ZNG1F: variants seen among roughly 807,000 people sequenced by gnomAD.
ZNG1F encodes the protein zinc-regulated GTPase metalloprotein activator 1F.
the ZNG1F span, chr9:41,132,085 C>G: frequency 6.5e-7 from 1 of 1,548,876 alleles, no homozygotes; most frequent in Non-Finnish European, 8.7e-7. Context: ...AACATTGTAA[C>G]GTGACAAAGA....
At chr9:41,155,175 C>T in the ZNG1F span, among the ~76,000 whole-genome samples, 1 of 151,502 alleles carries the variant, frequency 6.6e-6, no homozygotes, top group South Asian at 2.1e-4. Flanking sequence ...GCAAACAACC[C>T]CATCAAAAAG....
At chr9:41,131,985 TC>T in the ZNG1F span, 1 of 575,730 alleles carries the variant, frequency 1.7e-6, no homozygotes, top group Non-Finnish European at 3.1e-6. Flanking sequence ...TCTTTAACTT[TC>T]CAGGTCAGTA....
At chr9:41,197,817 AT>A in the ZNG1F span, among the ~76,000 whole-genome samples, 1 of 117,524 alleles carries the variant, frequency 8.5e-6, no homozygotes, top group Admixed American at 9.7e-5. Context: ...ATATATTTTA[AT>A]ATTAATTTCT....
the ZNG1F span, among the ~76,000 whole-genome samples, chr9:41,193,536 T>C: frequency 6.7e-6 from 1 of 149,040 alleles, no homozygotes; most frequent in Non-Finnish European, 1.5e-5. Flanking sequence ...GATTCCAGTA[T>C]AATAAGGAAG....
the ZNG1F span, among the ~76,000 whole-genome samples, chr9:41,148,661 C>T: frequency 7.1e-6 from 1 of 141,394 alleles, no homozygotes; most frequent in Non-Finnish European, 1.5e-5. Flanking sequence ...CTGTCCCACA[C>T]TTCTGGCTGC....
At chr9:41,155,050 C>T in the ZNG1F span, among the ~76,000 whole-genome samples, 1 of 150,458 alleles carries the variant, frequency 6.6e-6, no homozygotes, top group Non-Finnish European at 1.5e-5. Context: ...AAGAAACTAC[C>T]ATCAGAGTGA....
chr9:41,165,147 T>A, the ZNG1F span: 1 of 1,379,924 alleles, frequency 7.2e-7, no homozygotes, highest in Non-Finnish European at 9.8e-7. Flanking sequence ...CGCATGCAGA[T>A]TAATACATCA....
chr9:41,137,201 A>C, the ZNG1F span, among the ~76,000 whole-genome samples: 6 of 148,602 alleles, frequency 4.0e-5, no homozygotes, highest in South Asian at 1.3e-3. Context: ...AGTTTGAGGA[A>C]TTTTTACATT....
At chr9:41,201,338 T>C in the ZNG1F span, among the ~76,000 whole-genome samples, 1 of 125,156 alleles carries the variant, frequency 8.0e-6, no homozygotes, top group Non-Finnish European at 1.7e-5. Context: ...ACCCTTGCAA[T>C]AACATGAACT....
chr9:41,171,416 T>C, the ZNG1F span, among the ~76,000 whole-genome samples: 4 of 63,460 alleles, frequency 6.3e-5, no homozygotes, highest in East Asian at 4.1e-4. Flanking sequence ...CCTTAGAGCA[T>C]AATTTCAGCA....
At chr9:41,199,703 A>G in the ZNG1F span, among the ~76,000 whole-genome samples, 1 of 151,682 alleles carries the variant, frequency 6.6e-6, no homozygotes, top group African/African-American at 2.4e-5. Flanking sequence ...TCCCTTTCAC[A>G]CTGCCCTAGC....
At chr9:41,145,329 C>A in the ZNG1F span, 2 of 357,492 alleles carry the variant, frequency 5.6e-6, no homozygotes, top group South Asian at 5.6e-5. Context: ...GTTTTTTCTG[C>A]AAACTAAAAA....
chr9:41,169,936 CTT>C, the ZNG1F span, among the ~76,000 whole-genome samples: 1 of 121,338 alleles, frequency 8.2e-6, no homozygotes. Context: ...ATAGGGTGTC[CTT>C]TTCTGCAGAA....
chr9:41,164,974 A>T, the ZNG1F span: 1 of 1,575,652 alleles, frequency 6.3e-7, no homozygotes, highest in Admixed American at 1.7e-5. Flanking sequence ...ATGGATCTGT[A>T]GGCACTTAAC....
chr9:41,141,189 A>G, the ZNG1F span, among the ~76,000 whole-genome samples: 3 of 151,738 alleles, frequency 2.0e-5, no homozygotes, highest in South Asian at 2.1e-4. Flanking sequence ...TCCTACACCA[A>G]TAAACTCTTT....
the ZNG1F span, chr9:41,134,148 A>T: frequency 5.4e-6 from 1 of 186,618 alleles, no homozygotes; most frequent in African/African-American, 2.4e-5. Flanking sequence ...ACTCTTCACA[A>T]CAATCCTGGG....
the ZNG1F span, among the ~76,000 whole-genome samples, chr9:41,140,992 C>T: frequency 0.1 from 15,296 of 151,102 alleles, 75 homozygotes; most frequent in South Asian, 0.15. Flanking sequence ...CCTGTCAAAG[C>T]GCTAGGATTA....
At chr9:41,156,201 A>G in the ZNG1F span, among the ~76,000 whole-genome samples, 1 of 121,700 alleles carries the variant, frequency 8.2e-6, no homozygotes, top group Non-Finnish European at 1.7e-5. Flanking sequence ...GGAAAATGCA[A>G]TATGATTTCC....
the ZNG1F span, chr9:41,157,276 C>A: frequency 6.9e-6 from 1 of 144,392 alleles, no homozygotes; most frequent in African/African-American, 2.6e-5. Context: ...TGGCCATGGA[C>A]AACGTGGTGA....
Sources: allele counts gnomAD v4.1 joint callset (sites outside exome capture counted in the v4.1 genomes callset), GRCh38; gene constraint gnomAD v4.1.1; transcripts MANE v1.5; gene names NCBI Gene and HGNC (gene_info 2026-07-23, HGNC 2026-07-21).